Variants in NCEH1 observed in about 807,000 individuals in gnomAD.
The protein encoded by NCEH1 is neutral cholesterol ester hydrolase 1.
A neutral mutation model predicts 25.4 loss-of-function variants in NCEH1; 9 were observed. That is an observed-to-expected ratio of 0.35 (90% confidence interval 0.21 to 0.62). NCEH1 has a LOEUF of 0.62. Ranked by LOEUF, NCEH1 falls within the 20% of genes least tolerant of loss-of-function variation. The pLI, the probability that NCEH1 is intolerant of heterozygous loss-of-function variation, is 0.72. For synonymous variants in NCEH1, 200 were observed against 199.8 expected, an observed-to-expected ratio of 1.00 and a Z score of -0.01; for missense variants, 412 against 501.1, an observed-to-expected ratio of 0.82 and a Z score of 1.70.
At chr3:172,688,745 T>TA (rs1712849260) in intron 1 of NCEH1, among the ~76,000 whole-genome samples, 1 of 152,130 alleles carries the variant, frequency 6.6e-6, no homozygotes, top group Non-Finnish European at 1.5e-5. Flanking sequence ...ATAACAGTGT[T>TA]ACGATAGGTG....
chr3:172,644,231 G>GGGCTTTGGGGTGACTCTAA (rs1179565785), intron 3 of NCEH1, among the ~76,000 whole-genome samples: 13 of 152,044 alleles, frequency 8.6e-5, no homozygotes, highest in Middle Eastern at 3.4e-3. Flanking sequence ...AGTGACTCTA[G>GGGCTTTGGGGTGACTCTAA]GGCTTTGGGG....
intron 4 of NCEH1, among the ~76,000 whole-genome samples, chr3:172,635,180 A>G (rs1716544287): frequency 6.6e-6 from 1 of 152,218 alleles, no homozygotes. Context: ...TTTGGATGGA[A>G]AACTTGCCAA....
At chr3:172,703,558 C>T (rs923483263) in intron 1 of NCEH1, among the ~76,000 whole-genome samples, 3 of 146,310 alleles carry the variant, frequency 2.1e-5, no homozygotes, top group South Asian at 2.2e-4. Context: ...TAAATATATG[C>T]TATTTTAAAA....
chr3:172,680,965 C>T (rs1160562622), intron 1 of NCEH1: 3 of 148,260 alleles, frequency 2.0e-5, no homozygotes, highest in African/African-American at 7.5e-5. Flanking sequence ...GAAATTGAAG[C>T]CAAATGTGAT....
At chr3:172,674,561 T>G (rs28493877) in intron 1 of NCEH1, among the ~76,000 whole-genome samples, 15,095 of 145,704 alleles carry the variant, frequency 0.1, 2,339 homozygotes, top group African/African-American at 0.35. Context: ...TACCAAATAG[T>G]AGAACTTCTT....
At chr3:172,666,000 C>A (rs1297466439) in intron 1 of NCEH1, among the ~76,000 whole-genome samples, 3 of 152,222 alleles carry the variant, frequency 2.0e-5, no homozygotes, top group Non-Finnish European at 4.4e-5. Flanking sequence ...CACTGTCCAA[C>A]AAGTCCCAGT....
rs1716376750 is a variant in NCEH1 at position 172,631,984 on chromosome 3, T to G, written c.*1491A>C. 6.6e-6 allele frequency: 1 copy of G among 152,622 alleles called. No homozygotes were observed. Among genetic ancestry groups the G allele is most frequent in the Non-Finnish European group, 1.5e-5 (1 of 68,040 alleles). 9.5% of individuals were successfully genotyped at this position (152,622 alleles called of 1,614,324 possible). ...GATGTTCCCACTGGCAGTGAAGACT[T>G]TACATGAAGTTAAGCTTGGGCTGTT... is the stretch of plus-strand genomic sequence containing the variant. On this transcript the variant is annotated 3_prime_UTR_variant, in exon 5 of 5. Transcript: ENST00000475381.
chr3:172,680,399 C>T (rs980086455), intron 1 of NCEH1, among the ~76,000 whole-genome samples: 1 of 152,170 alleles, frequency 6.6e-6, no homozygotes, highest in African/African-American at 2.4e-5. Context: ...AGCCCCCCTC[C>T]CCCTACTACT....
chr3:172,701,535 C>T (rs1713683539), intron 1 of NCEH1, among the ~76,000 whole-genome samples: 1 of 148,388 alleles, frequency 6.7e-6, no homozygotes, highest in South Asian at 2.1e-4. Context: ...CTGCAACCTC[C>T]ACCTCCCAGA....
At chr3:172,659,624 G>A (rs914133009) in intron 1 of NCEH1, among the ~76,000 whole-genome samples, 11 of 152,078 alleles carry the variant, frequency 7.2e-5, no homozygotes, top group African/African-American at 2.7e-4. Flanking sequence ...AGGGTCTGTG[G>A]GCCAGACCTG....
rs76162211 is a variant in NCEH1 at position 172,693,460 on chromosome 3, A to G, written c.138+17387T>C. ...GCCAATCTTCTAAAGCCTGAATATGAAAAAAAAAAAAAATGGGAGGGGGTG... is the reference window on the plus strand; with the variant it reads ...GCCAATCTTCTAAAGCCTGAATATGGAAAAAAAAAAAAATGGGAGGGGGTG... On this transcript the variant is annotated intron_variant, in intron 1 of 4. Transcript: ENST00000475381. Among the ~76,000 whole-genome samples the G allele has an allele frequency of 2.7e-4, 25 of 91,226 alleles. 1 individual carries two copies. In the South Asian group the frequency reaches 6.9e-3, roughly 25 times the overall value. 59.8% of individuals were successfully genotyped at this position (91,226 alleles called of 152,430 possible). A position where few individuals can be genotyped will look rare whatever the true frequency, so the allele number is the denominator to read the frequency against.
intron 1 of NCEH1, among the ~76,000 whole-genome samples, chr3:172,655,195 A>T (rs1717631800): frequency 6.6e-6 from 1 of 152,224 alleles, no homozygotes. Context: ...GGGCCCTGTG[A>T]GCTGCAAATT....
chr3:172,696,620 A>C (rs1713391868), intron 1 of NCEH1, among the ~76,000 whole-genome samples: 1 of 152,226 alleles, frequency 6.6e-6, no homozygotes, highest in Non-Finnish European at 1.5e-5. Context: ...GTTCAAGGTC[A>C]CACAGCTAGG....
At chr3:172,657,057 G>C (rs1717730650) in intron 1 of NCEH1, among the ~76,000 whole-genome samples, 1 of 151,856 alleles carries the variant, frequency 6.6e-6, no homozygotes, top group African/African-American at 2.4e-5. Flanking sequence ...TTATTGATTG[G>C]TTCTTACACT....
At chr3:172,656,760 C>T (rs1211468778) in intron 1 of NCEH1, among the ~76,000 whole-genome samples, 5 of 151,438 alleles carry the variant, frequency 3.3e-5, no homozygotes, top group East Asian at 1.9e-4. Flanking sequence ...AGTGAGACTC[C>T]GGCCAAAAAA....
In NCEH1 at chr3:172,710,969, C is replaced by T. The variant is rs1440523950; in HGVS notation, c.16G>A (p.Val6Ile). The change falls in exon 1 of 5, where the codon GTC becomes ATC. Residue 6 changes from valine to isoleucine, a missense_variant. Coordinates refer to ENST00000475381, the MANE Select transcript of NCEH1 (RefSeq NM_020792.6). MRSSC[V>I]LLTALVALAA... ...AGCGCCACCAGGGCGGTGAGCAGGACACAGGACGACCTCATCTTGCCCTGG... is the reference window on the plus strand; with the variant it reads ...AGCGCCACCAGGGCGGTGAGCAGGATACAGGACGACCTCATCTTGCCCTGG... 6.2e-7 allele frequency: 1 copy of T among 1,614,104 alleles called. No homozygotes were observed. Among genetic ancestry groups the T allele is most frequent in the Non-Finnish European group, 8.5e-7 (1 of 1,180,014 alleles).
At chr3:172,672,034 C>T (rs1290195763) in intron 1 of NCEH1, among the ~76,000 whole-genome samples, 1 of 152,170 alleles carries the variant, frequency 6.6e-6, no homozygotes, top group Non-Finnish European at 1.5e-5. Context: ...CACTGATTCA[C>T]CCAGAGCAAA....
intron 1 of NCEH1, among the ~76,000 whole-genome samples, chr3:172,665,638 C>A (rs751122370): frequency 2.0e-5 from 3 of 152,224 alleles, no homozygotes; most frequent in Non-Finnish European, 4.4e-5. Context: ...GTGGGCTCCA[C>A]CCAGTTCGAG....
At chr3:172,706,748 G>A (rs898847373) in intron 1 of NCEH1, among the ~76,000 whole-genome samples, 2 of 151,752 alleles carry the variant, frequency 1.3e-5, no homozygotes, top group Non-Finnish European at 2.9e-5. Flanking sequence ...TAACCCGCCC[G>A]CCTCGACCTC....
Sources: gnomAD v4.1 joint callset for allele counts (sites outside exome capture counted in the v4.1 genomes callset) on GRCh38, gnomAD v4.1.1 for gene constraint, MANE v1.5 for transcripts, NCBI Gene and HGNC (gene_info 2026-07-23, HGNC 2026-07-21) for gene names.